Variants in ATP5F1C observed in about 807,000 individuals in gnomAD.
ATP5F1C encodes the protein ATP synthase F(1) complex subunit gamma, mitochondrial.
In ATP5F1C, 22 loss-of-function variants were observed where a neutral mutation model predicts 37.4. The observed-to-expected ratio is 0.59, with a 90% CI of 0.42 to 0.84. The LOEUF (loss-of-function observed/expected upper bound fraction) is 0.84, where lower values mean the gene tolerates loss of function less well. ATP5F1C is among the 40% of genes least tolerant of loss of function. The pLI is 0.00. For synonymous variants in ATP5F1C, 121 were observed against 128.0 expected (o/e 0.95, Z 0.37); for missense variants, 286 against 362.4 (o/e 0.79, Z 1.71).
intron 3 of ATP5F1C, among the ~76,000 whole-genome samples, 166 bp from the exon 4 acceptor site, chr10:7,798,823 GC>G (rs1443060655): frequency 1.3e-5 from 2 of 152,226 alleles, no homozygotes; most frequent in African/African-American, 4.8e-5. Context: ...GAGCCACTGT[GC>G]CCGGCCTCAG....
chr10:7,800,136 G>A lies in ATP5F1C; in HGVS notation c.637+45G>A, dbSNP rs556561465. ...TACATATTTTTTGGCATATAGAATG[G>A]AGAGATTTGTACACTAAGGCAGACA... On this transcript the variant is annotated intron_variant, in intron 6 of 9. Transcript: ENST00000356708. 5.5e-5 allele frequency: 86 copies of A among 1,560,166 alleles called. 1 individual carries two copies. In the South Asian group the frequency reaches 9.0e-4, roughly 16 times the overall value.
chr10:7,798,543 G>A (rs1414659785), intron 3 of ATP5F1C, among the ~76,000 whole-genome samples: 7 of 152,070 alleles, frequency 4.6e-5, no homozygotes, highest in Non-Finnish European at 1.0e-4. Flanking sequence ...AGTAGCTGGG[G>A]CTACAGGCGC....
chr10:7,804,878 A>G (rs1836442892), intron 8 of ATP5F1C, among the ~76,000 whole-genome samples: 1 of 152,256 alleles, frequency 6.6e-6, no homozygotes, highest in Non-Finnish European at 1.5e-5. Flanking sequence ...GGAAAAGTTC[A>G]TCACTATTTA....
intron 6 of ATP5F1C, 38 bp from the exon 7 acceptor site, chr10:7,802,232 C>T (rs932971): frequency 0.43 from 674,877 of 1,561,094 alleles, 147,641 homozygotes; most frequent in South Asian, 0.54. Context: ...CTATTCCTTC[C>T]ATATAACTTG....
chr10:7,788,902 C>T (rs1489513458), intron 1 of ATP5F1C, among the ~76,000 whole-genome samples: 1 of 151,690 alleles, frequency 6.6e-6, no homozygotes, highest in East Asian at 1.9e-4. Context: ...GGGAAGGACA[C>T]CTAGCACTAC....
chr10:7,792,493 C>T (rs1836178166), intron 1 of ATP5F1C, among the ~76,000 whole-genome samples: 1 of 152,212 alleles, frequency 6.6e-6, no homozygotes, highest in South Asian at 2.1e-4. Flanking sequence ...CAAAGAGCTT[C>T]ACTGCCCTAA....
At chr10:7,788,940 C>A (rs1387951523) in intron 1 of ATP5F1C, among the ~76,000 whole-genome samples, 1 of 151,832 alleles carries the variant, frequency 6.6e-6, no homozygotes, top group African/African-American at 2.4e-5. Context: ...AAACCGTAAC[C>A]CTGCAAGGTC....
At chr10:7,796,969 C>A (rs1244422) in intron 2 of ATP5F1C, 78 bp from the exon 3 acceptor site, 2 of 1,508,658 alleles carry the variant, frequency 1.3e-6, no homozygotes, top group Non-Finnish European at 1.8e-6. Flanking sequence ...CCTTGCACTT[C>A]AGAAAAATAT....
At chr10:7,795,838 T>C (rs1284354535) in intron 1 of ATP5F1C, among the ~76,000 whole-genome samples, 1 of 152,044 alleles carries the variant, frequency 6.6e-6, no homozygotes, top group Non-Finnish European at 1.5e-5. Flanking sequence ...AGCAAAGATA[T>C]GGAGGTGGGA....
intron 1 of ATP5F1C, 136 bp from the exon 2 acceptor site, chr10:7,795,985 A>T: frequency 1.5e-6 from 1 of 671,104 alleles, no homozygotes; most frequent in South Asian, 1.9e-5. Flanking sequence ...ATTCATATAC[A>T]TTCTGAGTCC....
At chr10:7,801,587 T>G (rs913173039) in intron 6 of ATP5F1C, 1 of 152,248 alleles carries the variant, frequency 6.6e-6, no homozygotes, top group Admixed American at 6.5e-5. Flanking sequence ...ATCCCTTGTG[T>G]GAATGCTTAG....
chr10:7,789,833 G>A (rs555019577), intron 1 of ATP5F1C, among the ~76,000 whole-genome samples: 73 of 152,258 alleles, frequency 4.8e-4, no homozygotes, highest in African/African-American at 1.7e-3. Context: ...TTTTTTTAAA[G>A]CACCTGTAAG....
Position 7,802,164 on chromosome 10 carries a change from A to G in ATP5F1C, c.638-106A>G. The G allele has an allele frequency of 2.6e-6, 3 of 1,143,252 alleles. No individual in the cohort carries two copies. The South Asian group carries it at 5.2e-5, about 20-fold the overall frequency. 70.8% of individuals were successfully genotyped at this position (1,143,252 alleles called of 1,614,324 possible). A position where few individuals can be genotyped will look rare whatever the true frequency, so the allele number is the denominator to read the frequency against. On this transcript the variant is annotated intron_variant, in intron 6 of 9. Coordinates refer to ENST00000356708, the MANE Select transcript of ATP5F1C (RefSeq NM_001001973.3). ...GATTCATTTACCTTATCTAGCATTA[A>G]TTTCTGCTCTGTAATTATAAAGGAG... is the stretch of plus-strand genomic sequence containing the variant.
intron 8 of ATP5F1C, among the ~76,000 whole-genome samples, chr10:7,804,353 C>A (rs1363717405): frequency 6.6e-6 from 1 of 152,214 alleles, no homozygotes; most frequent in Non-Finnish European, 1.5e-5. Context: ...CTTCCCAGTC[C>A]AGTCTCTTAC....
chr10:7,805,887 G>C (rs965361358), intron 8 of ATP5F1C, among the ~76,000 whole-genome samples: 1 of 151,994 alleles, frequency 6.6e-6, no homozygotes, highest in Admixed American at 6.6e-5. Context: ...AGGAGTTCAA[G>C]ACAAGCCTGA....
intron 8 of ATP5F1C, among the ~76,000 whole-genome samples, chr10:7,805,431 C>G (rs1836455543): frequency 6.6e-6 from 1 of 152,092 alleles, no homozygotes; most frequent in Admixed American, 6.6e-5. Context: ...AAATTGAGGA[C>G]CAGCCTATTT....
At position 7,802,387 on chromosome 10, in the gene ATP5F1C, C is replaced by T; in HGVS notation, c.755C>T (p.Ala252Val). Residue 252 changes from alanine (A) to valine (V), a missense_variant, in exon 7 of 10, where the codon GCC (alanine) becomes GTC (valine). Transcript: ENST00000356708. The part of the protein sequence containing the change: ...LKESTTSEQS[A>V]RMTAMDNASK... ...GAGTCCACCACTAGTGAGCAGAGTG[C>T]CAGGATGACAGCCATGGACAATGCC... is the stretch of plus-strand genomic sequence containing the variant. 1.9e-6 allele frequency: 3 copies of T among 1,613,882 alleles called. No homozygotes were observed. The highest frequency in any genetic ancestry group is 2.5e-6 in the Non-Finnish European group (3 of 1,179,938).
rs192053246 is a variant in ATP5F1C at position 7,806,525 on chromosome 10, C to T, written c.891-449C>T. ...TACAAAAATTAGCTGGGCGTGGTGG[C>T]GGGCACCTGTAATCCCAGCTACTCG... On this transcript the variant is annotated intron_variant, in intron 8 of 9. Coordinates refer to ENST00000356708, the MANE Select transcript of ATP5F1C (RefSeq NM_001001973.3). Among the ~76,000 whole-genome samples the T allele has an allele frequency of 5.1e-3, 770 of 151,994 alleles. 2 individuals are homozygous for T. The highest frequency in any genetic ancestry group is 7.5e-3 in the Non-Finnish European group (512 of 67,976).
chr10:7,802,271 C>T lies in ATP5F1C; in HGVS notation c.639C>T (p.Asp213=). ...IFSLNTVASA[D]SMSIYDDIDA... is the part of the protein sequence containing the mutation. ...GAAACTCATCACTTGTTTTAACAGA[C>T]AGCATGAGTATCTATGACGATATTG... is the stretch of plus-strand genomic sequence containing the variant. The change falls in exon 7 of 10, where the codon GAC becomes GAT. Residue 213 remains aspartate, a splice_region_variant and synonymous_variant. Coordinates refer to ENST00000356708, the MANE Select transcript of ATP5F1C (RefSeq NM_001001973.3). 6.2e-7 allele frequency: 1 copy of T among 1,604,080 alleles called. No homozygotes were observed. The highest frequency in any genetic ancestry group is 2.2e-5 in the East Asian group (1 of 44,716).
Sources: allele counts gnomAD v4.1 joint callset (sites outside exome capture counted in the v4.1 genomes callset), GRCh38; gene constraint gnomAD v4.1.1; transcripts MANE v1.5; gene names NCBI Gene and HGNC (gene_info 2026-07-23, HGNC 2026-07-21).